ST3GAL3: variants seen among roughly 807,000 people sequenced by gnomAD.
ST3GAL3 encodes ST3 beta-galactoside alpha-2,3-sialyltransferase 3, also known as CMP-N-acetylneuraminate-beta-1,4-galactoside alpha-2,3-sialyltransferase.
ST3GAL3 carries 21 observed loss-of-function variants against 50.1 expected under a neutral mutation model. The ratio of observed to expected loss-of-function variants is 0.42; its 90% confidence interval spans 0.30 to 0.60. The LOEUF is 0.60. Ranked by LOEUF, ST3GAL3 falls within the 20% of genes least tolerant of loss-of-function variation. The probability of loss-of-function intolerance (pLI) is 0.19; values close to 1 mark genes in which losing one functional copy is unlikely to be tolerated. For missense variants in ST3GAL3, 353 were observed against 489.4 expected (o/e 0.72, Z 2.63); for synonymous variants, 183 against 190.0 (o/e 0.96, Z 0.30).
intron 2 of ST3GAL3, among the ~76,000 whole-genome samples, chr1:43,763,480 A>G (rs569563115): frequency 3.9e-5 from 6 of 152,230 alleles, no homozygotes; most frequent in African/African-American, 1.4e-4. Context: ...TGGCGGATCA[A>G]ATTTTTAGGT....
intron 2 of ST3GAL3, chr1:43,736,891 A>G (rs932316916): frequency 5.2e-5 from 12 of 230,928 alleles, no homozygotes; most frequent in Non-Finnish European, 1.0e-4. Context: ...CCTGGCTACA[A>G]TAATGGCTTA....
intron 6 of ST3GAL3, 120 bp downstream of exon 6, chr1:43,894,597 A>C: frequency 6.9e-5 from 62 of 897,774 alleles, no homozygotes; most frequent in East Asian, 1.9e-4. Context: ...CTCTACTCTC[A>C]ACAAATCTTC....
intron 2 of ST3GAL3, among the ~76,000 whole-genome samples, chr1:43,780,245 T>C (rs1187983071): frequency 6.6e-6 from 1 of 152,222 alleles, no homozygotes; most frequent in East Asian, 1.9e-4. Context: ...ATTTTGAAGA[T>C]ACTGCCCCCA....
intron 1 of ST3GAL3, among the ~76,000 whole-genome samples, chr1:43,714,017 A>T (rs539824792): frequency 6.6e-5 from 10 of 152,142 alleles, no homozygotes; most frequent in African/African-American, 2.4e-4. Context: ...TGATCCCAGC[A>T]CTTTGGGAGG....
At chr1:43,763,165 G>T (rs892640785) in intron 2 of ST3GAL3, among the ~76,000 whole-genome samples, 1 of 152,166 alleles carries the variant, frequency 6.6e-6, no homozygotes, top group Admixed American at 6.6e-5. Context: ...TAGAGAACAA[G>T]TTAATTAAAT....
At chr1:43,784,458 G>A (rs1162825509) in intron 2 of ST3GAL3, among the ~76,000 whole-genome samples, 5 of 152,118 alleles carry the variant, frequency 3.3e-5, no homozygotes, top group Non-Finnish European at 4.4e-5. Context: ...GCAGTGAGCC[G>A]AGATCGCACC....
chr1:43,899,868 A>G lies in ST3GAL3; in HGVS notation c.744+141A>G, dbSNP rs754175192. ...AATGACCCAAAGCCGAAATCACCCA[A>G]TGGCAACCAGGGGGCAAAGAGGTCA... On this transcript the variant is annotated intron_variant, in intron 9 of 11. Coordinates refer to ENST00000347631, the MANE Select transcript of ST3GAL3 (RefSeq NM_006279.5). This position sits in a 1 kb window ranked among gnomAD's most constrained non-coding sequence, Gnocchi z 5.4. 45 of 859,014 alleles carry G rather than the reference A, an allele frequency of 5.2e-5. No homozygotes were observed. Among genetic ancestry groups the G allele is most frequent in the East Asian group, 1.9e-4 (7 of 37,174 alleles). 53.2% of individuals were successfully genotyped at this position (859,014 alleles called of 1,614,324 possible).
rs1005354732 is a variant in ST3GAL3 at position 43,930,804 on chromosome 1, G to C, written c.*583G>C. 1 of 190,562 alleles carries C rather than the reference G, an allele frequency of 5.2e-6. No homozygotes were observed. Among genetic ancestry groups the C allele is most frequent in the Admixed American group, 5.3e-5 (1 of 18,706 alleles). 11.8% of individuals were successfully genotyped at this position (190,562 alleles called of 1,614,324 possible). On this transcript the variant is annotated 3_prime_UTR_variant, in exon 12 of 12. Coordinates refer to ENST00000347631, the MANE Select transcript of ST3GAL3 (RefSeq NM_006279.5). ...GTTTGGCCTTTCTTGGGGAGAAGGC[G>C]GGGTATTCCCACTCACCAGCCCTAG...
At chr1:43,817,112 C>A (rs2061332400) in intron 4 of ST3GAL3, among the ~76,000 whole-genome samples, 1 of 152,332 alleles carries the variant, frequency 6.6e-6, no homozygotes, top group Middle Eastern at 3.4e-3. Context: ...GATTTGAATT[C>A]TGTCTGCTGC....
intron 2 of ST3GAL3, among the ~76,000 whole-genome samples, chr1:43,740,548 G>A (rs1680414466): frequency 6.6e-6 from 1 of 152,036 alleles, no homozygotes; most frequent in Non-Finnish European, 1.5e-5. Flanking sequence ...CACTTTGAGA[G>A]ACTGAGGAGG....
chr1:43,819,991 G>A (rs39722), intron 4 of ST3GAL3, among the ~76,000 whole-genome samples: 2 of 152,292 alleles, frequency 1.3e-5, no homozygotes, highest in Admixed American at 1.3e-4. Flanking sequence ...CAAAAAAGAG[G>A]CAGAATAGCC....
intron 1 of ST3GAL3, among the ~76,000 whole-genome samples, chr1:43,714,820 T>A (rs765870132): frequency 6.6e-6 from 1 of 152,240 alleles, no homozygotes; most frequent in Non-Finnish European, 1.5e-5. Context: ...ATGATTTTTT[T>A]AAAGATAGTA....
rs7551272 is a variant in ST3GAL3 at position 43,820,796 on chromosome 1, G to T, written c.209+5863G>T. Among the ~76,000 whole-genome samples the T allele has an allele frequency of 9.1e-3, 1,385 of 152,242 alleles. 23 individuals carry two copies. The highest frequency in any genetic ancestry group is 0.032 in the African/African-American group (1,335 of 41,542). On this transcript the variant is annotated intron_variant, in intron 4 of 11. Coordinates refer to ENST00000347631, the MANE Select transcript of ST3GAL3 (RefSeq NM_006279.5). ...TTGAAGAAGGCAGAACTTTTTGTTG[G>T]TTAAAAATGTGAGCTATGGAGTCAG...
At chr1:43,916,284 A>C (rs1281728700) in intron 9 of ST3GAL3, among the ~76,000 whole-genome samples, 1 of 152,260 alleles carries the variant, frequency 6.6e-6, no homozygotes, top group African/African-American at 2.4e-5. Context: ...TCATTAGAAT[A>C]GTCCAGATGA....
At chr1:43,865,932 T>C (rs2071226493) in intron 5 of ST3GAL3, among the ~76,000 whole-genome samples, 1 of 152,232 alleles carries the variant, frequency 6.6e-6, no homozygotes, top group Non-Finnish European at 1.5e-5. Context: ...GTGGGTGGGA[T>C]ACATTATGTC....
intron 3 of ST3GAL3, among the ~76,000 whole-genome samples, chr1:43,804,387 C>T (rs1211499945): frequency 1.3e-5 from 2 of 152,132 alleles, no homozygotes; most frequent in Non-Finnish European, 2.9e-5. Flanking sequence ...CTTAAATTTT[C>T]CTGCTAGTCA....
intron 4 of ST3GAL3, among the ~76,000 whole-genome samples, chr1:43,828,960 A>G (rs572791645): frequency 6.6e-6 from 1 of 152,306 alleles, no homozygotes; most frequent in East Asian, 1.9e-4. Context: ...AAAACCATAC[A>G]TGAATATTTA....
chr1:43,887,849 C>T (rs763715379), intron 5 of ST3GAL3, among the ~76,000 whole-genome samples: 4 of 148,976 alleles, frequency 2.7e-5, no homozygotes, highest in Non-Finnish European at 5.9e-5. Context: ...ACTGTCCTTT[C>T]TGGGAGTTCT....
intron 2 of ST3GAL3, among the ~76,000 whole-genome samples, chr1:43,786,867 G>GT (rs1415708045): frequency 1.4e-4 from 21 of 152,226 alleles, no homozygotes; most frequent in Middle Eastern, 3.4e-3. Flanking sequence ...TACCTGTTAG[G>GT]TTGTGAGCTA....
Sources: allele counts gnomAD v4.1 joint callset (sites outside exome capture counted in the v4.1 genomes callset), GRCh38; gene constraint gnomAD v4.1.1; non-coding constraint Gnocchi (gnomAD v3.1); transcripts MANE v1.5; gene names NCBI Gene and HGNC (gene_info 2026-07-23, HGNC 2026-07-21).